EIF4G3: variants seen among roughly 807,000 people sequenced by gnomAD.
The protein encoded by EIF4G3 is eukaryotic translation initiation factor 4 gamma 3, also known as eIF-4-gamma 3.
In EIF4G3, 34 loss-of-function variants were observed where a neutral mutation model predicts 186.4. The observed-to-expected ratio is 0.18, with a 90% CI of 0.14 to 0.24. The LOEUF is 0.24. EIF4G3 is among the 10% of genes least tolerant of loss of function. The pLI, the probability that EIF4G3 is intolerant of heterozygous loss-of-function variation, is 1.00. For missense variants in EIF4G3, 1,536 were observed against 1,948.5 expected (o/e 0.79, Z 3.99); for synonymous variants, 673 against 679.5 (o/e 0.99, Z 0.15).
chr1:21,007,536 AACACAC>A (rs2085558147), intron 4 of EIF4G3, among the ~76,000 whole-genome samples: 1 of 88,842 alleles, frequency 1.1e-5, no homozygotes, highest in Non-Finnish European at 2.4e-5. Context: ...AAAAAAAAAA[AACACAC>A]TCAAAAACAA....
chr1:20,982,860 A>G (rs981755324), intron 7 of EIF4G3, among the ~76,000 whole-genome samples: 5 of 152,234 alleles, frequency 3.3e-5, no homozygotes, highest in Admixed American at 6.5e-5. Flanking sequence ...TTTTCAATAT[A>G]TATCAGACTC....
intron 2 of EIF4G3, among the ~76,000 whole-genome samples, chr1:21,172,111 C>A: frequency 1.1e-5 from 1 of 87,320 alleles, no homozygotes. Flanking sequence ...TCTGGTACCT[C>A]CTCTAGCAAA....
chr1:21,068,783 A>G (rs895752541), intron 3 of EIF4G3, among the ~76,000 whole-genome samples: 7 of 152,214 alleles, frequency 4.6e-5, no homozygotes, highest in Non-Finnish European at 1.0e-4. Context: ...ATAGTAATAA[A>G]GAAAATGTTC....
chr1:21,067,881 A>C (rs61117207), intron 3 of EIF4G3, among the ~76,000 whole-genome samples: 56,079 of 151,686 alleles, frequency 0.37, 10,983 homozygotes, highest in Non-Finnish European at 0.43. Flanking sequence ...ACGCCACTGC[A>C]CTCCAGCCTG....
At chr1:20,822,253 C>T (rs990259799) in intron 33 of EIF4G3, among the ~76,000 whole-genome samples, 21 of 151,954 alleles carry the variant, frequency 1.4e-4, no homozygotes, top group African/African-American at 2.7e-4. Flanking sequence ...CTGATGTTAC[C>T]GCTTTCATTC....
At chr1:21,054,542 G>A (rs187924718) in intron 3 of EIF4G3, among the ~76,000 whole-genome samples, 3 of 151,972 alleles carry the variant, frequency 2.0e-5, no homozygotes, top group Admixed American at 1.3e-4. Flanking sequence ...TCAGTGGTGC[G>A]TTAAAAATAA....
chr1:20,979,908 G>T (rs2077609351), intron 10 of EIF4G3, among the ~76,000 whole-genome samples: 1 of 152,004 alleles, frequency 6.6e-6, no homozygotes, highest in South Asian at 2.1e-4. Context: ...CCGCCACCAT[G>T]CCCGGCTAAT....
chr1:21,014,218 C>T (rs555687099), intron 4 of EIF4G3, among the ~76,000 whole-genome samples: 5 of 152,240 alleles, frequency 3.3e-5, no homozygotes, highest in East Asian at 1.9e-4. Flanking sequence ...CCGGTGGAGG[C>T]GCTGGCATAA....
At chr1:21,106,483 C>G (rs372062189) in intron 2 of EIF4G3, among the ~76,000 whole-genome samples, 1 of 152,032 alleles carries the variant, frequency 6.6e-6, no homozygotes, top group African/African-American at 2.4e-5. Flanking sequence ...GATAGTGTAT[C>G]TTGAGTAGTT....
intron 10 of EIF4G3, among the ~76,000 whole-genome samples, chr1:20,974,673 GA>G (rs2076496610): frequency 6.6e-6 from 1 of 152,130 alleles, no homozygotes; most frequent in Non-Finnish European, 1.5e-5. Flanking sequence ...TATGGAATCA[GA>G]AAAACTTTCC....
At position 21,176,777 on chromosome 1, in the gene EIF4G3, G is replaced by A. The variant is rs1177738514; in HGVS notation, c.-511C>T. ...GCGGGGGATCTTTATCCCCCTCCCC[G>A]GAGGAAGCGGCGCCCTTCTCGGTAG... is the stretch of plus-strand genomic sequence containing the variant. On this transcript the variant is annotated 5_prime_UTR_variant, in exon 1 of 37. Coordinates refer to ENST00000602326, the MANE Select transcript of EIF4G3 (RefSeq NM_001391906.1). 8.6e-6 allele frequency: 6 copies of A among 700,042 alleles called. No homozygotes were observed. Among genetic ancestry groups the A allele is most frequent in the Non-Finnish European group, 1.3e-5 (5 of 383,694 alleles). 43.4% of individuals were successfully genotyped at this position (700,042 alleles called of 1,614,324 possible).
At chr1:20,866,678 C>T (rs966863312) in intron 20 of EIF4G3, among the ~76,000 whole-genome samples, 1 of 152,164 alleles carries the variant, frequency 6.6e-6, no homozygotes, top group African/African-American at 2.4e-5. Context: ...CCAGAATACA[C>T]AATAATGGAC....
At chr1:21,108,045 G>A (rs1029564676) in intron 2 of EIF4G3, among the ~76,000 whole-genome samples, 1 of 152,224 alleles carries the variant, frequency 6.6e-6, no homozygotes, top group Admixed American at 6.5e-5. Flanking sequence ...CTACTTAGGA[G>A]ATTGAAGCGG....
At chr1:20,966,459 G>A (rs984135523) in intron 12 of EIF4G3, among the ~76,000 whole-genome samples, 1 of 151,516 alleles carries the variant, frequency 6.6e-6, no homozygotes, top group Non-Finnish European at 1.5e-5. Context: ...AGCTTCTTCT[G>A]AAACAATGGG....
At chr1:21,062,746 C>A (rs753560186) in intron 3 of EIF4G3, among the ~76,000 whole-genome samples, 2 of 152,118 alleles carry the variant, frequency 1.3e-5, no homozygotes, top group East Asian at 1.9e-4. Flanking sequence ...CGTGCCACCA[C>A]GCCTGGCTAA....
At chr1:21,040,714 G>A (rs905788559) in intron 4 of EIF4G3, among the ~76,000 whole-genome samples, 6 of 152,286 alleles carry the variant, frequency 3.9e-5, no homozygotes, top group Admixed American at 1.3e-4. Context: ...CTGTTAAAGC[G>A]AACTAAATAT....
intron 2 of EIF4G3, among the ~76,000 whole-genome samples, chr1:21,090,606 A>G (rs566241997): frequency 1.3e-5 from 2 of 152,302 alleles, no homozygotes; most frequent in South Asian, 4.1e-4. Context: ...TACCTCCTTA[A>G]AAGGTGGATT....
chr1:21,169,462 TAAATA>T (rs776758833), intron 2 of EIF4G3, among the ~76,000 whole-genome samples: 20 of 152,108 alleles, frequency 1.3e-4, no homozygotes, highest in East Asian at 9.7e-4. Context: ...AAAAAATAAA[TAAATA>T]AAATAAAATA....
At chr1:20,893,752 T>C (rs1409833088) in intron 17 of EIF4G3, 116 bp from the exon 18 acceptor site, 4 of 1,208,700 alleles carry the variant, frequency 3.3e-6, no homozygotes, top group Non-Finnish European at 4.4e-6. Flanking sequence ...GCACCAGCTT[T>C]GGAACCCGCA....
Sources: gnomAD v4.1 joint callset for allele counts (sites outside exome capture counted in the v4.1 genomes callset) on GRCh38, gnomAD v4.1.1 for gene constraint, MANE v1.5 for transcripts, NCBI Gene and HGNC (gene_info 2026-07-23, HGNC 2026-07-21) for gene names.